Variants in DLG2 observed in about 807,000 individuals in gnomAD.
The protein encoded by DLG2 is disks large homolog 2.
A neutral mutation model predicts 132.5 loss-of-function variants in DLG2; 45 were observed. The observed-to-expected ratio is 0.34, with a 90% CI of 0.27 to 0.44. The LOEUF (loss-of-function observed/expected upper bound fraction) is 0.44. Among genes scored for constraint, DLG2 ranks in the 20% least tolerant of loss-of-function variants. The pLI, the probability that DLG2 is intolerant of heterozygous loss-of-function variation, is 1.00. For missense variants in DLG2, 1,045 were observed against 1,196.9 expected, an observed-to-expected ratio of 0.87 and a Z score of 1.87; for synonymous variants, 424 against 419.6, an observed-to-expected ratio of 1.01 and a Z score of -0.13.
Position 85,059,513 on chromosome 11 carries a change from A to C in DLG2, c.357+52148T>G, listed in dbSNP as rs142507244. Among the ~76,000 whole-genome samples the C allele has an allele frequency of 8.9e-4, 135 of 151,846 alleles. 1 individual carries two copies. The highest frequency in any genetic ancestry group is 3.0e-3 in the African/African-American group (124 of 41,522). ...CTGGAAAGCAAACTAATATCCATCA[A>C]CATCAGAGTGAACAAATAGTGAGGT... On this transcript the variant is annotated intron_variant, in intron 6 of 27. Transcript: ENST00000376104.
chr11:84,753,351 G>A (rs2153836530), intron 6 of DLG2, among the ~76,000 whole-genome samples: 1 of 152,282 alleles, frequency 6.6e-6, no homozygotes, highest in East Asian at 1.9e-4. Flanking sequence ...TAGTGTAGGT[G>A]AGAGATAATG....
intron 7 of DLG2, among the ~76,000 whole-genome samples, chr11:84,527,629 A>G (rs368514533): frequency 9.2e-5 from 14 of 152,306 alleles, no homozygotes; most frequent in African/African-American, 3.4e-4. Context: ...ATTCACACCA[A>G]TTTATAAAAG....
intron 15 of DLG2, among the ~76,000 whole-genome samples, chr11:83,890,169 A>C (rs1041266121): frequency 6.6e-6 from 1 of 152,170 alleles, no homozygotes. Flanking sequence ...AAAAGCACCA[A>C]TTGGAAAATT....
chr11:83,884,890 T>C (rs2067381097), intron 15 of DLG2, among the ~76,000 whole-genome samples: 1 of 152,192 alleles, frequency 6.6e-6, no homozygotes, highest in Admixed American at 6.5e-5. Flanking sequence ...GAGGGTCCTG[T>C]CTGTTAGAAG....
At chr11:83,550,032 T>C (rs78533459) in intron 19 of DLG2, among the ~76,000 whole-genome samples, 2,311 of 152,314 alleles carry the variant, frequency 0.015, 49 homozygotes, top group African/African-American at 0.053. Context: ...GTTCTGTGGA[T>C]TGTATGACAT....
chr11:85,219,800 C>T (rs1378984773), intron 4 of DLG2, among the ~76,000 whole-genome samples: 2 of 150,808 alleles, frequency 1.3e-5, no homozygotes, highest in East Asian at 1.9e-4. Context: ...TTTGGGTGGT[C>T]ATGCACTTCA....
intron 21 of DLG2, among the ~76,000 whole-genome samples, chr11:83,529,936 GAA>G (rs2095696700): frequency 6.6e-6 from 1 of 152,100 alleles, no homozygotes; most frequent in East Asian, 1.9e-4. Context: ...CAGCCTTACT[GAA>G]AAGACATCTG....
chr11:84,945,175 T>A (rs907786920), intron 6 of DLG2, among the ~76,000 whole-genome samples: 2 of 152,222 alleles, frequency 1.3e-5, no homozygotes, highest in Non-Finnish European at 2.9e-5. Context: ...GTACACATCC[T>A]TCTTGGGAAG....
chr11:84,786,252 T>A (rs995709284), intron 6 of DLG2, among the ~76,000 whole-genome samples: 1 of 152,102 alleles, frequency 6.6e-6, no homozygotes, highest in Non-Finnish European at 1.5e-5. Flanking sequence ...GCCCTCAATT[T>A]TGTACCTGAA....
At chr11:84,445,782 A>G (rs963370224) in intron 7 of DLG2, among the ~76,000 whole-genome samples, 12 of 151,704 alleles carry the variant, frequency 7.9e-5, no homozygotes, top group African/African-American at 9.7e-5. Context: ...CGGGTGTGGT[A>G]GCGGGCGCCT....
intron 6 of DLG2, among the ~76,000 whole-genome samples, chr11:84,921,039 T>C (rs2092730285): frequency 6.6e-6 from 1 of 152,146 alleles, no homozygotes; most frequent in African/African-American, 2.4e-5. Context: ...AACCAAGTGA[T>C]AAGTAGTTCT....
At chr11:85,254,550 A>C (rs1052958657) in intron 4 of DLG2, among the ~76,000 whole-genome samples, 1 of 152,186 alleles carries the variant, frequency 6.6e-6, no homozygotes, top group Non-Finnish European at 1.5e-5. Flanking sequence ...ATTAAGAAAA[A>C]ATTATAAAAG....
chr11:83,535,658 TA>T (rs200336795), intron 20 of DLG2, among the ~76,000 whole-genome samples: 37 of 144,608 alleles, frequency 2.6e-4, no homozygotes, highest in South Asian at 6.6e-4. Context: ...ATAGAGAAAG[TA>T]AAAAAAAAAA....
chr11:84,429,744 A>G (rs1171796532), intron 7 of DLG2, among the ~76,000 whole-genome samples: 1 of 152,212 alleles, frequency 6.6e-6, no homozygotes, highest in Non-Finnish European at 1.5e-5. Context: ...TACAATGATA[A>G]TCATGCTTAA....
chr11:85,000,045 T>C (rs1396722072), intron 6 of DLG2, among the ~76,000 whole-genome samples: 1 of 152,138 alleles, frequency 6.6e-6, no homozygotes, highest in Non-Finnish European at 1.5e-5. Flanking sequence ...CTGAGCATTA[T>C]GTCTCTTATC....
chr11:84,537,713 T>A lies in DLG2; in HGVS notation c.358-2982A>T, dbSNP rs535493282. ...TTTTCCACGGAACTGTAAAATCTTG[T>A]AAGGACTGGGACCACATTGGTATTG... On this transcript the variant is annotated intron_variant, in intron 6 of 27. Coordinates refer to ENST00000376104, the MANE Select transcript of DLG2 (RefSeq NM_001142699.3). Among the ~76,000 whole-genome samples, 5 of 152,336 alleles carry A rather than the reference T, an allele frequency of 3.3e-5. No individual in the cohort carries two copies. The East Asian group carries it at 9.7e-4, about 29-fold the overall frequency.
chr11:83,889,368 A>C (rs1285355011), intron 15 of DLG2, among the ~76,000 whole-genome samples: 3 of 152,184 alleles, frequency 2.0e-5, no homozygotes, highest in African/African-American at 7.2e-5. Context: ...GCTCACCATC[A>C]CTGGCCATCA....
At chr11:85,456,592 A>C (rs2092430296) in intron 3 of DLG2, among the ~76,000 whole-genome samples, 1 of 152,084 alleles carries the variant, frequency 6.6e-6, no homozygotes, top group Non-Finnish European at 1.5e-5. Flanking sequence ...AAGCCTTTCG[A>C]CGTGGGCATT....
intron 18 of DLG2, among the ~76,000 whole-genome samples, chr11:83,777,084 CAT>C (rs1362215235): frequency 6.6e-6 from 1 of 152,094 alleles, no homozygotes; most frequent in African/African-American, 2.4e-5. Flanking sequence ...TGCAAGGCAG[CAT>C]GTCACTCACT....
Sources: allele counts gnomAD v4.1 joint callset (sites outside exome capture counted in the v4.1 genomes callset), GRCh38; gene constraint gnomAD v4.1.1; transcripts MANE v1.5; gene names NCBI Gene and HGNC (gene_info 2026-07-23, HGNC 2026-07-21).